AGMO: variants seen among roughly 807,000 people sequenced by gnomAD.
The protein encoded by AGMO is glyceryl-ether monooxygenase.
A neutral mutation model predicts 60.2 loss-of-function variants in AGMO; 75 were observed. That is an observed-to-expected ratio of 1.25 (90% CI 1.03 to 1.51). The LOEUF is 1.51. Among genes scored for constraint, AGMO ranks in the 40% most tolerant of loss-of-function variants. AGMO has a pLI of 0.00. For synonymous variants in AGMO, 261 were observed against 177.1 expected, an observed-to-expected ratio of 1.47 and a Z score of -3.76; for missense variants, 763 against 525.5, an observed-to-expected ratio of 1.45 and a Z score of -4.42.
chr7:15,281,637 A>T (rs1783968551), intron 12 of AGMO, among the ~76,000 whole-genome samples: 1 of 152,028 alleles, frequency 6.6e-6, no homozygotes, highest in South Asian at 2.1e-4. Context: ...AGTCTATTCC[A>T]CTGAGAGCTC....
At chr7:15,401,243 A>C (rs1310003890) in intron 5 of AGMO, among the ~76,000 whole-genome samples, 1 of 152,152 alleles carries the variant, frequency 6.6e-6, no homozygotes, top group Non-Finnish European at 1.5e-5. Flanking sequence ...ATTCTAAATA[A>C]ATGTCCTGTC....
At chr7:15,212,256 AC>A (rs1781614299) in intron 12 of AGMO, among the ~76,000 whole-genome samples, 2 of 89,252 alleles carry the variant, frequency 2.2e-5, no homozygotes, top group Admixed American at 1.2e-4. Context: ...GTACACACAC[AC>A]ACACACACAC....
chr7:15,325,873 C>A (rs985030851), intron 12 of AGMO, among the ~76,000 whole-genome samples: 1 of 151,848 alleles, frequency 6.6e-6, no homozygotes, highest in Non-Finnish European at 1.5e-5. Context: ...CTTGGTTGTT[C>A]GCAATTTGTT....
At chr7:15,363,332 A>G (rs1782838128) in intron 12 of AGMO, among the ~76,000 whole-genome samples, 2 of 152,184 alleles carry the variant, frequency 1.3e-5, no homozygotes, top group African/African-American at 4.8e-5. Context: ...AAGTTCATAT[A>G]AAATAACAGT....
At chr7:15,155,785 TG>T in the AGMO span, among the ~76,000 whole-genome samples, 2 of 152,274 alleles carry the variant, frequency 1.3e-5, no homozygotes, top group South Asian at 4.1e-4. Flanking sequence ...ATTTTTGAAG[TG>T]GCTGTCTTTT....
chr7:15,329,957 G>A (rs192570749), intron 12 of AGMO, among the ~76,000 whole-genome samples: 2 of 152,198 alleles, frequency 1.3e-5, no homozygotes, highest in Non-Finnish European at 2.9e-5. Flanking sequence ...TGAACAATAT[G>A]CAGATGCTGC....
chr7:15,148,415 A>T, the AGMO span, among the ~76,000 whole-genome samples: 2 of 152,050 alleles, frequency 1.3e-5, no homozygotes, highest in African/African-American at 4.8e-5. Flanking sequence ...TTGGTGTACA[A>T]GTGATTTCAT....
At chr7:15,362,145 A>C (rs1003594521) in intron 12 of AGMO, among the ~76,000 whole-genome samples, 32 of 152,192 alleles carry the variant, frequency 2.1e-4, no homozygotes, top group African/African-American at 7.5e-4. Flanking sequence ...CAGTTTTAAT[A>C]AAAGAACAGT....
the AGMO span, among the ~76,000 whole-genome samples, chr7:15,127,266 C>T: frequency 6.6e-6 from 1 of 152,088 alleles, no homozygotes; most frequent in African/African-American, 2.4e-5. Flanking sequence ...AAATATTTTA[C>T]AGAGTTTGAC....
the AGMO span, among the ~76,000 whole-genome samples, chr7:15,141,174 G>C: frequency 2.0e-5 from 3 of 152,086 alleles, no homozygotes; most frequent in African/African-American, 7.2e-5. Context: ...CAACGCCTTG[G>C]GAGTGCTTGT....
chr7:15,356,098 C>A (rs1782520758), intron 12 of AGMO, among the ~76,000 whole-genome samples: 1 of 152,134 alleles, frequency 6.6e-6, no homozygotes, highest in African/African-American at 2.4e-5. Context: ...GAGGAAAGGT[C>A]CACTGATAGA....
At chr7:15,147,995 G>A in the AGMO span, among the ~76,000 whole-genome samples, 2 of 152,140 alleles carry the variant, frequency 1.3e-5, no homozygotes, top group Non-Finnish European at 2.9e-5. Context: ...CACTTAAGAG[G>A]AGCGGCTCAA....
chr7:15,497,087 G>C (rs1240020784), intron 3 of AGMO, among the ~76,000 whole-genome samples: 5 of 152,150 alleles, frequency 3.3e-5, no homozygotes, highest in Non-Finnish European at 7.4e-5. Flanking sequence ...CTGGAAGTCA[G>C]AGGACTGGAG....
rs796925831 is a variant in AGMO, at chr7:15,354,407, C to G, written c.1263+11107G>C. ...ACGTGTGTGTATACACGTGTGTGTA[C>G]ACACGTGTGTGTATACACACACGTG... On this transcript the variant is annotated intron_variant, in intron 12 of 12. Coordinates refer to ENST00000342526, the MANE Select transcript of AGMO (RefSeq NM_001004320.2). Among the ~76,000 whole-genome samples, 11 of 19,262 alleles carry G rather than the reference C, an allele frequency of 5.7e-4. 1 individual carries two copies. Among genetic ancestry groups the G allele is most frequent in the African/African-American group, 2.2e-3 (7 of 3,248 alleles). The allele number at this position is 19,262 out of a possible 152,430, so 12.6% of individuals were successfully genotyped here. A position where few individuals can be genotyped will look rare whatever the true frequency, so the allele number is the denominator to read the frequency against.
At chr7:15,472,686 A>G (rs1483101357) in intron 3 of AGMO, among the ~76,000 whole-genome samples, 2 of 152,102 alleles carry the variant, frequency 1.3e-5, no homozygotes, top group Middle Eastern at 3.4e-3. Context: ...ATATTATGTG[A>G]TCATATTTTC....
the AGMO span, among the ~76,000 whole-genome samples, chr7:15,141,840 CT>C: frequency 6.6e-6 from 1 of 151,960 alleles, no homozygotes; most frequent in African/African-American, 2.4e-5. Context: ...AAATATTATT[CT>C]TTTTTGGTAA....
chr7:15,170,555 ATTTT>A, the AGMO span, among the ~76,000 whole-genome samples: 1,398 of 152,090 alleles, frequency 9.2e-3, 8 homozygotes, highest in Non-Finnish European at 0.015. Context: ...ATTTATTTTT[ATTTT>A]TTTATTTTTA....
intron 12 of AGMO, among the ~76,000 whole-genome samples, chr7:15,207,618 G>T (rs531338550): frequency 1.3e-5 from 2 of 152,278 alleles, no homozygotes; most frequent in African/African-American, 4.8e-5. Context: ...TTGTCAAAAG[G>T]TCAGGTACAT....
chr7:15,440,033 G>A lies in AGMO; in HGVS notation c.410-8925C>T, dbSNP rs562205539. 9.9e-5 allele frequency among the ~76,000 whole-genome samples: 15 copies of A among 152,270 alleles called. 1 individual carries two copies. The South Asian group carries it at 2.7e-3, about 27-fold the overall frequency. ...TGTGTATTTCCCTTAGCCTGACTCA[G>A]GCAAGTGAAAGAGAAAGCGAGAGGG... On this transcript the variant is annotated intron_variant, in intron 3 of 12. Coordinates refer to ENST00000342526, the MANE Select transcript of AGMO (RefSeq NM_001004320.2).
Sources: gnomAD v4.1 joint callset for allele counts (sites outside exome capture counted in the v4.1 genomes callset) on GRCh38, gnomAD v4.1.1 for gene constraint, MANE v1.5 for transcripts, NCBI Gene and HGNC (gene_info 2026-07-23, HGNC 2026-07-21) for gene names.